The following NDUFV3 variants were observed in gnomAD, a reference collection of about 807,000 sequenced individuals.
NDUFV3 encodes the protein NADH:ubiquinone oxidoreductase subunit V3, also known as NADH dehydrogenase [ubiquinone] flavoprotein 3, mitochondrial.
A neutral mutation model predicts 37.5 loss-of-function variants in NDUFV3; 44 were observed. The observed-to-expected ratio is 1.17, with a 90% CI of 0.92 to 1.51. NDUFV3 has a LOEUF of 1.51. Among genes scored for constraint, NDUFV3 ranks in the 40% most tolerant of loss-of-function variants. The pLI is 0.00. For synonymous variants in NDUFV3, 235 were observed against 239.3 expected, an observed-to-expected ratio of 0.98 and a Z score of 0.17; for missense variants, 580 against 580.4, an observed-to-expected ratio of 1.00 and a Z score of 0.01.
chr21:42,896,084 A>G (rs1047313437), intron 1 of NDUFV3, among the ~76,000 whole-genome samples: 3 of 150,032 alleles, frequency 2.0e-5, no homozygotes, highest in Admixed American at 6.7e-5. Context: ...CCTGAGTCTA[A>G]GCAATTCTCC....
At chr21:42,904,552 G>A (rs188304320) in intron 3 of NDUFV3, among the ~76,000 whole-genome samples, 254 of 147,056 alleles carry the variant, frequency 1.7e-3, no homozygotes, top group African/African-American at 6.3e-3. Flanking sequence ...GTGCAGTGGC[G>A]CGATCTCTGC....
At chr21:42,904,409 T>A in intron 3 of NDUFV3, 133 bp downstream of exon 3, 1 of 1,217,420 alleles carries the variant, frequency 8.2e-7, no homozygotes, top group Non-Finnish European at 1.2e-6. Context: ...CCTGTAACGC[T>A]GTCTCAGCCA....
At chr21:42,893,402 G>T in intron 1 of NDUFV3, 21 bp downstream of exon 1, 1 of 1,535,620 alleles carries the variant, frequency 6.5e-7, no homozygotes. Flanking sequence ...AGCCAGCCTG[G>T]GCTGGCTGCG....
Position 42,893,324 on chromosome 21 carries a change from T to A in NDUFV3, c.-10T>A. 6.5e-7 allele frequency: 1 copy of A among 1,537,948 alleles called. No individual in the cohort carries two copies. Among genetic ancestry groups the A allele is most frequent in the Non-Finnish European group, 8.7e-7 (1 of 1,146,314 alleles). On this transcript the variant is annotated 5_prime_UTR_variant, in exon 1 of 4. Coordinates refer to ENST00000354250, the MANE Select transcript of NDUFV3 (RefSeq NM_021075.4). Reference sequence around the variant, plus strand: ...CTGTGGCCCTGCTTGGTGCGCCCGCTGTCACCGCCATGGCTGCCCCGTGTT... The same window carrying A: ...CTGTGGCCCTGCTTGGTGCGCCCGCAGTCACCGCCATGGCTGCCCCGTGTT...
At chr21:42,899,445 G>GT (rs1293844360) in intron 2 of NDUFV3, among the ~76,000 whole-genome samples, 3 of 106,346 alleles carry the variant, frequency 2.8e-5, no homozygotes, top group East Asian at 2.1e-4. Context: ...CTAATTTTTT[G>GT]TTTTTTTGTT....
intron 1 of NDUFV3, among the ~76,000 whole-genome samples, chr21:42,894,382 TGTA>T (rs369494141): frequency 3.3e-5 from 1 of 30,750 alleles, no homozygotes; most frequent in Admixed American, 3.1e-4. Flanking sequence ...TTATATAATA[TGTA>T]AATATATATT....
intron 1 of NDUFV3, among the ~76,000 whole-genome samples, chr21:42,896,129 A>G (rs2146147504): frequency 6.8e-6 from 1 of 146,260 alleles, no homozygotes; most frequent in African/African-American, 2.5e-5. Context: ...AACTACAGGC[A>G]TGCACCACCG....
chr21:42,906,705 C>T (rs568082531), intron 3 of NDUFV3: 54 of 333,850 alleles, frequency 1.6e-4, no homozygotes, highest in South Asian at 1.1e-3. Flanking sequence ...TATGGGGCCG[C>T]GGTCTCACTA....
intron 3 of NDUFV3, among the ~76,000 whole-genome samples, chr21:42,906,545 G>A (rs946872614): frequency 3.3e-5 from 5 of 152,160 alleles, no homozygotes; most frequent in Admixed American, 6.6e-5. Context: ...AAATGGAGAC[G>A]AATAACACAA....
Position 42,903,668 on chromosome 21 carries a change from C to G in NDUFV3, c.656C>G (p.Thr219Ser). 1 of 1,614,114 alleles carries G rather than the reference C, an allele frequency of 6.2e-7. No homozygotes were observed. Among genetic ancestry groups the G allele is most frequent in the Non-Finnish European group, 8.5e-7 (1 of 1,180,020 alleles). Residue 219 changes from threonine (T) to serine (S), a missense_variant, in exon 3 of 4, where the codon ACT becomes AGT. Coordinates refer to ENST00000354250, the MANE Select transcript of NDUFV3 (RefSeq NM_021075.4). ...CTGCAGAAGCCGCATGTGGACATTA[C>G]TGATCCAGAGAAGCCCCACCAGCCA... ...TLLQKPHVDITDPEKPHQPKK... is the reference protein window; with the variant it reads ...TLLQKPHVDISDPEKPHQPKK...
At chr21:42,893,594 T>TCCGCCG (rs1248478517) in intron 1 of NDUFV3, among the ~76,000 whole-genome samples, 2 of 152,120 alleles carry the variant, frequency 1.3e-5, no homozygotes, top group African/African-American at 4.8e-5. Flanking sequence ...CCCGAGCCGG[T>TCCGCCG]CCGCCGCCGC....
At chr21:42,907,801 G>A (rs2058748480) in intron 3 of NDUFV3, among the ~76,000 whole-genome samples, 1 of 150,718 alleles carries the variant, frequency 6.6e-6, no homozygotes, top group South Asian at 2.1e-4. Flanking sequence ...ATTTTGCCCA[G>A]AATGATCTAG....
intron 1 of NDUFV3, among the ~76,000 whole-genome samples, chr21:42,895,288 A>G (rs1330764461): frequency 6.6e-6 from 1 of 152,034 alleles, no homozygotes; most frequent in African/African-American, 2.4e-5. Flanking sequence ...CTCGAGACCA[A>G]CCTGATCAAC....
In NDUFV3 at chr21:42,903,995, G is replaced by A; in HGVS notation, c.983G>A (p.Gly328Glu). 1 of 1,614,058 alleles carries A rather than the reference G, an allele frequency of 6.2e-7. No individual in the cohort carries two copies. Among genetic ancestry groups the A allele is most frequent in the Non-Finnish European group, 8.5e-7 (1 of 1,180,000 alleles). ...AEGQLQASPPGAAEGHLEKPV... is the reference protein window; with the variant it reads ...AEGQLQASPPEAAEGHLEKPV... ...GGGCAGCTGCAAGCCAGTCCTCCTG[G>A]GGCGGCAGAGGGGCATCTGGAAAAA... is the stretch of plus-strand genomic sequence containing the variant. Residue 328 changes from glycine (G) to glutamate (E), a missense_variant, in exon 3 of 4, where the codon GGG (glycine) becomes GAG (glutamate). Transcript: ENST00000354250.
Position 42,893,354 on chromosome 21 carries a change from G to C in NDUFV3, c.21G>C (p.Leu7=), listed in dbSNP as rs1045664326. MAAPCL[L]RQGRAGALKT... ...CCGCCATGGCTGCCCCGTGTTTGCT[G>C]CGGCAAGGACGAGCCGGGGCGCTGA... Residue 7 remains leucine (L), a synonymous_variant, in exon 1 of 4, where the codon CTG becomes CTC. Coordinates refer to ENST00000354250, the MANE Select transcript of NDUFV3 (RefSeq NM_021075.4). 4 of 1,538,262 alleles carry C rather than the reference G, an allele frequency of 2.6e-6. No individual in the cohort carries two copies. The African/African-American group carries it at 5.5e-5, about 21-fold the overall frequency.
chr21:42,896,881 T>C (rs1196881166), intron 1 of NDUFV3, 46 bp from the exon 2 acceptor site: 2 of 1,578,928 alleles, frequency 1.3e-6, no homozygotes, highest in Non-Finnish European at 1.7e-6. Context: ...CCAGCTATTA[T>C]AATGGCATTA....
chr21:42,894,335 T>TATATATTATATATAATATATATATATATA, intron 1 of NDUFV3, among the ~76,000 whole-genome samples: 1 of 39,126 alleles, frequency 2.6e-5, no homozygotes, highest in African/African-American at 2.6e-4. Flanking sequence ...AAATACATAT[T>TATATATTATATATAATATATATATATATA]ATATATATTA....
chr21:42,900,651 G>T (rs1208331670), intron 2 of NDUFV3, among the ~76,000 whole-genome samples: 2 of 152,228 alleles, frequency 1.3e-5, no homozygotes, highest in African/African-American at 2.4e-5. Flanking sequence ...CACATTGCCA[G>T]ATCAAACCTT....
chr21:42,901,573 G>C (rs1415054753), intron 2 of NDUFV3, among the ~76,000 whole-genome samples: 1 of 151,516 alleles, frequency 6.6e-6, no homozygotes, highest in African/African-American at 2.4e-5. Context: ...CTGCACTCCA[G>C]CCTGGGTGAC....
Sources: allele counts gnomAD v4.1 joint callset (sites outside exome capture counted in the v4.1 genomes callset), GRCh38; gene constraint gnomAD v4.1.1; transcripts MANE v1.5; gene names NCBI Gene and HGNC (gene_info 2026-07-23, HGNC 2026-07-21).